NEGR1: variants seen among roughly 807,000 people sequenced by gnomAD.
The protein encoded by NEGR1 is neuronal growth regulator 1.
Under a neutral mutation model 40.9 loss-of-function variants are expected in NEGR1, and 10 were observed. The ratio of observed to expected loss-of-function variants is 0.24; its 90% CI spans 0.15 to 0.42. NEGR1 has a LOEUF of 0.42. Among genes scored for constraint, NEGR1 ranks in the 10% least tolerant of loss-of-function variants. The pLI is 1.00. For missense variants in NEGR1, 352 were observed against 438.9 expected (o/e 0.80, Z 1.77); for synonymous variants, 185 against 166.8 (o/e 1.11, Z -0.84).
intron 3 of NEGR1, among the ~76,000 whole-genome samples, chr1:71,746,606 A>G (rs748131239): frequency 1.1e-3 from 166 of 151,882 alleles, no homozygotes; most frequent in Non-Finnish European, 7.2e-4. Flanking sequence ...AGCTTCCAGC[A>G]TCACAGCTAA....
At chr1:71,673,421 C>G (rs1286230662) in intron 4 of NEGR1, among the ~76,000 whole-genome samples, 1 of 122,840 alleles carries the variant, frequency 8.1e-6, no homozygotes. Context: ...ATGTCTGACA[C>G]TGAAGATACA....
At chr1:71,989,258 C>T (rs530490711) in intron 1 of NEGR1, among the ~76,000 whole-genome samples, 141 of 152,266 alleles carry the variant, frequency 9.3e-4, no homozygotes, top group African/African-American at 3.2e-3. Flanking sequence ...TAAACCTAAA[C>T]ACTTGTTTAC....
intron 1 of NEGR1, among the ~76,000 whole-genome samples, chr1:71,940,646 G>A (rs1388043984): frequency 6.6e-6 from 1 of 152,096 alleles, no homozygotes; most frequent in Non-Finnish European, 1.5e-5. Flanking sequence ...GCATTAGGCA[G>A]GTCTCTGTTT....
intron 1 of NEGR1, among the ~76,000 whole-genome samples, chr1:72,082,550 A>G (rs1303040403): frequency 6.6e-6 from 1 of 152,118 alleles, no homozygotes; most frequent in Non-Finnish European, 1.5e-5. Context: ...TAAAACTGGA[A>G]GAAAGGAAAT....
chr1:72,210,353 G>A (rs1653555181), intron 1 of NEGR1, among the ~76,000 whole-genome samples: 1 of 151,774 alleles, frequency 6.6e-6, no homozygotes, highest in African/African-American at 2.4e-5. Context: ...TATTCTAGGT[G>A]TTGAAATAAA....
chr1:71,480,974 G>T (rs1646850415), intron 6 of NEGR1, among the ~76,000 whole-genome samples: 1 of 151,876 alleles, frequency 6.6e-6, no homozygotes, highest in Admixed American at 6.6e-5. Flanking sequence ...ATTGTAGTCT[G>T]ATTCTATTAA....
intron 5 of NEGR1, among the ~76,000 whole-genome samples, chr1:71,605,084 G>A (rs12757229): frequency 0.57 from 87,080 of 151,852 alleles, 25,892 homozygotes; most frequent in Non-Finnish European, 0.67. Flanking sequence ...AAAGAAATGC[G>A]GTTGCAGCTA....
chr1:72,266,716 G>GATAA (rs1261655868), intron 1 of NEGR1, among the ~76,000 whole-genome samples: 6 of 105,200 alleles, frequency 5.7e-5, no homozygotes, highest in South Asian at 2.9e-4. Flanking sequence ...TATATATATA[G>GATAA]ACAGATAAAC....
Position 71,428,219 on chromosome 1 carries a change from C to T in NEGR1, c.941-20649G>A, listed in dbSNP as rs191039779. Among the ~76,000 whole-genome samples, 58 of 152,302 alleles carry T rather than the reference C, an allele frequency of 3.8e-4. No homozygotes were observed. The Middle Eastern group carries it at 0.01, about 27-fold the overall frequency. On this transcript the variant is annotated intron_variant, in intron 6 of 6. Coordinates refer to ENST00000357731, the MANE Select transcript of NEGR1 (RefSeq NM_173808.3). ...GTATTTTCACAGCAGAAGGTACCAA[C>T]GGCAGTGCCAGCTCTGGGTGCTTGC... is the stretch of plus-strand genomic sequence containing the variant.
chr1:71,477,967 A>T (rs1264457568), intron 6 of NEGR1, among the ~76,000 whole-genome samples: 2 of 151,952 alleles, frequency 1.3e-5, no homozygotes, highest in African/African-American at 2.4e-5. Flanking sequence ...AAATGCTGTG[A>T]TCTTGTACTT....
chr1:71,490,768 C>T (rs1280108625), intron 6 of NEGR1, among the ~76,000 whole-genome samples: 1 of 151,984 alleles, frequency 6.6e-6, no homozygotes, highest in Non-Finnish European at 1.5e-5. Context: ...GCATGGAAAG[C>T]CCGTAACTGC....
At chr1:71,678,634 A>T (rs770242885) in intron 4 of NEGR1, among the ~76,000 whole-genome samples, 2 of 152,044 alleles carry the variant, frequency 1.3e-5, no homozygotes, top group Admixed American at 6.6e-5. Flanking sequence ...ATTTCCTTCC[A>T]CTATAAACAG....
At chr1:71,529,060 C>T (rs1428728141) in intron 6 of NEGR1, among the ~76,000 whole-genome samples, 1 of 151,146 alleles carries the variant, frequency 6.6e-6, no homozygotes, top group South Asian at 2.1e-4. Flanking sequence ...TGAATAACAA[C>T]AGCATTCAGT....
chr1:71,932,087 G>A (rs1057359522), intron 2 of NEGR1, among the ~76,000 whole-genome samples: 6 of 152,094 alleles, frequency 3.9e-5, no homozygotes, highest in Admixed American at 1.3e-4. Context: ...AAATACATAG[G>A]TTGCTCAGCT....
At chr1:71,604,825 A>AT (rs1481137601) in intron 5 of NEGR1, among the ~76,000 whole-genome samples, 1 of 152,090 alleles carries the variant, frequency 6.6e-6, no homozygotes. Context: ...TGACCATCAC[A>AT]TTTTTTTCTA....
chr1:71,834,699 C>G (rs938887765), intron 2 of NEGR1, among the ~76,000 whole-genome samples: 1 of 151,948 alleles, frequency 6.6e-6, no homozygotes, highest in Admixed American at 6.6e-5. Context: ...TCAAGAGAAT[C>G]GTGACCAATA....
intron 1 of NEGR1, among the ~76,000 whole-genome samples, chr1:72,233,968 T>C (rs1219349604): frequency 6.6e-6 from 1 of 152,072 alleles, no homozygotes; most frequent in African/African-American, 2.4e-5. Flanking sequence ...AGCTGTTATT[T>C]TTTTACCTTA....
intron 1 of NEGR1, among the ~76,000 whole-genome samples, chr1:72,164,391 C>A (rs1651696817): frequency 6.6e-6 from 1 of 151,902 alleles, no homozygotes; most frequent in Non-Finnish European, 1.5e-5. Context: ...TCTCTACCTG[C>A]TCTTCAACCT....
At chr1:71,461,163 T>C (rs1006058496) in intron 6 of NEGR1, among the ~76,000 whole-genome samples, 3 of 152,154 alleles carry the variant, frequency 2.0e-5, no homozygotes, top group African/African-American at 4.8e-5. Context: ...TAATGGCTAA[T>C]AAACATGATT....
Sources: gnomAD v4.1 joint callset for allele counts (sites outside exome capture counted in the v4.1 genomes callset) on GRCh38, gnomAD v4.1.1 for gene constraint, MANE v1.5 for transcripts, NCBI Gene and HGNC (gene_info 2026-07-23, HGNC 2026-07-21) for gene names.